Variants in RNF32 observed in about 807,000 individuals in gnomAD.
RNF32 encodes the protein ring finger protein 32.
In RNF32, 36 loss-of-function variants were observed where a neutral mutation model predicts 41.0. The ratio of observed to expected loss-of-function variants is 0.88; its 90% CI spans 0.67 to 1.16. The LOEUF (loss-of-function observed/expected upper bound fraction) is 1.16. RNF32 is among the 50% of genes most tolerant of loss of function. The pLI, the probability that RNF32 is intolerant of heterozygous loss-of-function variation, is 0.00. For synonymous variants in RNF32, 154 were observed against 160.9 expected (o/e 0.96, Z 0.32); for missense variants, 413 against 436.7 (o/e 0.95, Z 0.48).
intron 3 of RNF32, among the ~76,000 whole-genome samples, chr7:156,651,717 T>C (rs897542465): frequency 1.5e-4 from 23 of 152,222 alleles, no homozygotes; most frequent in African/African-American, 5.5e-4. Context: ...ATATTACAGT[T>C]TCCTTCTCAG....
At chr7:156,664,321 C>T (rs10259532) in intron 7 of RNF32, among the ~76,000 whole-genome samples, 5 of 151,880 alleles carry the variant, frequency 3.3e-5, no homozygotes, top group African/African-American at 7.3e-5. Flanking sequence ...ATTAGCCGGG[C>T]GTGGTGGCGC....
At position 156,644,480 on chromosome 7, in the gene RNF32, C is replaced by T; in HGVS notation, c.16-19C>T. The T allele has an allele frequency of 6.3e-7, 1 of 1,593,748 alleles. No homozygotes were observed. Among genetic ancestry groups the T allele is most frequent in the Non-Finnish European group, 8.6e-7 (1 of 1,166,318 alleles). On this transcript the variant is annotated intron_variant, in intron 2 of 8. Transcript: ENST00000317955. ...TTACATAATACTCCTCTAAATATGA[C>T]TTTTTTCCTACTTTTTAGGGTCACT... is the stretch of plus-strand genomic sequence containing the variant.
chr7:156,644,623 AAG>A lies in RNF32; in HGVS notation c.144_145del (p.Asn49GlnfsTer16), dbSNP rs1345692846. 3.1e-6 allele frequency: 5 copies of A among 1,613,794 alleles called. No homozygotes were observed. The highest frequency in any genetic ancestry group is 2.7e-5 in the African/African-American group (2 of 75,044). ...CATTCTAAGACACAAGTACAAAAGAAAGAGAACAAATCTCTAAAAAGAGATAC... is the reference window on the plus strand; with the variant it reads ...CATTCTAAGACACAAGTACAAAAGAAAGAACAAATCTCTAAAAAGAGATAC... On this transcript the variant is annotated frameshift_variant, in exon 3 of 9. Transcript: ENST00000317955. LOFTEE classifies it high-confidence loss of function.
chr7:156,648,442 ACC>A (rs778628786), intron 3 of RNF32, among the ~76,000 whole-genome samples: 13 of 152,172 alleles, frequency 8.5e-5, no homozygotes, highest in Non-Finnish European at 1.8e-4. Context: ...CTTCTGTTGT[ACC>A]TGTATGGTTT....
intron 7 of RNF32, among the ~76,000 whole-genome samples, chr7:156,671,420 AG>A: frequency 6.6e-6 from 1 of 152,224 alleles, no homozygotes; most frequent in Non-Finnish European, 1.5e-5. Context: ...ACCTGACGAA[AG>A]AGATTCTAAA....
chr7:156,649,959 A>C (rs895621426), intron 3 of RNF32, among the ~76,000 whole-genome samples: 18 of 152,366 alleles, frequency 1.2e-4, no homozygotes, highest in African/African-American at 4.3e-4. Flanking sequence ...GGAATAACAG[A>C]AAATAGGGAT....
In RNF32 at chr7:156,658,504, C is replaced by T. The variant is rs765343988; in HGVS notation, c.618C>T (p.Tyr206=). Residue 206 remains tyrosine, a synonymous_variant, in exon 7 of 9, where the codon TAC becomes TAT. Coordinates refer to ENST00000317955, the MANE Select transcript of RNF32 (RefSeq NM_030936.4). ...YWRGCVVRKW[Y]RNLRKTVPPT... is the part of the protein sequence containing the mutation. ...GAGGATGTGTTGTTAGAAAGTGGTA[C>T]AGAAACCTGAGGAAAACAGTACCTC... is the stretch of plus-strand genomic sequence containing the variant. The T allele has an allele frequency of 6.2e-7, 1 of 1,613,566 alleles. No homozygotes were observed. The highest frequency in any genetic ancestry group is 1.1e-5 in the South Asian group (1 of 91,070).
chr7:156,665,962 T>G (rs1365983347), intron 7 of RNF32, among the ~76,000 whole-genome samples: 1 of 152,242 alleles, frequency 6.6e-6, no homozygotes, highest in Non-Finnish European at 1.5e-5. Context: ...CATTTGGCCT[T>G]ACACATATTT....
At position 156,665,314 on chromosome 7, in the gene RNF32, CT is replaced by C. The variant is rs141046477; in HGVS notation, c.684+6745del. On this transcript the variant is annotated intron_variant, in intron 7 of 8. Transcript: ENST00000317955. ...TTCTGCGTAGTATGGGAAGCCACCC[CT>C]GAGTCTGTTCACATGCGTTCACCTC... Among the ~76,000 whole-genome samples, 1,436 of 152,290 alleles carry C rather than the reference CT, an allele frequency of 9.4e-3. 39 individuals carry two copies. In the East Asian group the frequency reaches 0.12, roughly 13 times the overall value.
chr7:156,646,314 AG>A (rs776820870), intron 3 of RNF32: 1 of 806,266 alleles, frequency 1.2e-6, no homozygotes, highest in Non-Finnish European at 1.8e-6. Flanking sequence ...AGGGTTCTAC[AG>A]AAGAATCCTA....
chr7:156,652,778 G>T (rs1194339774), intron 3 of RNF32, among the ~76,000 whole-genome samples: 2 of 152,156 alleles, frequency 1.3e-5, no homozygotes, highest in Admixed American at 1.3e-4. Context: ...AAAATTAGCT[G>T]AGCATGGTAT....
In RNF32 at chr7:156,649,039, T is replaced by G. The variant is rs535853711; in HGVS notation, c.274+4282T>G. On this transcript the variant is annotated intron_variant, in intron 3 of 8. Transcript: ENST00000317955. The stretch of plus-strand genomic sequence containing the variant: ...TATGATACTGGGAAAATCGACGAGA[T>G]TAAAGCGTGTTTTGTTCTCTCCTTC... Among the ~76,000 whole-genome samples the G allele has an allele frequency of 5.3e-5, 8 of 152,350 alleles. No individual in the cohort carries two copies. The South Asian group carries it at 1.7e-3, about 32-fold the overall frequency.
chr7:156,676,427 C>T lies in RNF32; in HGVS notation c.861C>T (p.Arg287=). 1 of 1,614,084 alleles carries T rather than the reference C, an allele frequency of 6.2e-7. No homozygotes were observed. Among genetic ancestry groups the T allele is most frequent in the Non-Finnish European group, 8.5e-7 (1 of 1,179,978 alleles). The change falls in exon 9 of 9, where the codon CGC becomes CGT. Residue 287 remains arginine, a synonymous_variant. Coordinates refer to ENST00000317955, the MANE Select transcript of RNF32 (RefSeq NM_030936.4). The stretch of plus-strand genomic sequence containing the variant: ...CGTCCTGTGTGCCGCAGGCTCTGCG[C>T]CGGGAGACCCACGAGTGCTCCATCT... ...EWEKIQVQAL[R]RETHECSICL...
chr7:156,650,279 AGCCAGAAAG>A (rs1162199331), intron 3 of RNF32, among the ~76,000 whole-genome samples: 1 of 152,196 alleles, frequency 6.6e-6, no homozygotes. Context: ...ACAAGGGAGG[AGCCAGAAAG>A]GCAGGGGAGA....
chr7:156,640,206 G>C (rs761778048), upstream of RNF32: 3 of 453,598 alleles, frequency 6.6e-6, no homozygotes, highest in Middle Eastern at 9.8e-4. Flanking sequence ...TGAGCGGCGC[G>C]GGGGGATCGG....
At chr7:156,659,064 C>A (rs749898243) in intron 7 of RNF32, 1 of 1,392,892 alleles carries the variant, frequency 7.2e-7, no homozygotes, top group Non-Finnish European at 9.2e-7. Context: ...TTCCTCTTAA[C>A]CACTATTTAT....
At position 156,676,834 on chromosome 7, in the gene RNF32, T is replaced by C; in HGVS notation, c.*179T>C. On this transcript the variant is annotated 3_prime_UTR_variant, in exon 9 of 9. Coordinates refer to ENST00000317955, the MANE Select transcript of RNF32 (RefSeq NM_030936.4). Reference sequence around the variant, plus strand: ...AAGCTGACATCCCACCTAATTTTAATCTTTGGTCTCTAAAAAGTAAATTTC... The same window carrying C: ...AAGCTGACATCCCACCTAATTTTAACCTTTGGTCTCTAAAAAGTAAATTTC... 1.7e-6 allele frequency: 1 copy of C among 583,254 alleles called. No individual in the cohort carries two copies. The highest frequency in any genetic ancestry group is 3.0e-6 in the Non-Finnish European group (1 of 330,542). The allele number at this position is 583,254 out of a possible 1,614,324, so 36.1% of individuals were successfully genotyped here. A position where few individuals can be genotyped will look rare whatever the true frequency, so the allele number is the denominator to read the frequency against.
chr7:156,640,478 C>T, upstream of RNF32: 2 of 358,030 alleles, frequency 5.6e-6, no homozygotes, highest in Non-Finnish European at 1.1e-5. Flanking sequence ...GGCTCCCGAA[C>T]ACCCCCGCCA....
At chr7:156,643,280 C>T (rs930363379) in intron 1 of RNF32, among the ~76,000 whole-genome samples, 1 of 152,226 alleles carries the variant, frequency 6.6e-6, no homozygotes, top group Non-Finnish European at 1.5e-5. Flanking sequence ...TCCCCATATT[C>T]TGTACTTCTG....
Sources: gnomAD v4.1 joint callset for allele counts (sites outside exome capture counted in the v4.1 genomes callset) on GRCh38, gnomAD v4.1.1 for gene constraint, MANE v1.5 for transcripts, NCBI Gene and HGNC (gene_info 2026-07-23, HGNC 2026-07-21) for gene names.